The following DGKG variants were observed in gnomAD, a reference collection of about 807,000 sequenced individuals.
The protein encoded by DGKG is diacylglycerol kinase gamma.
Under a neutral mutation model 105.3 loss-of-function variants are expected in DGKG, and 78 were observed. That is an observed-to-expected ratio of 0.74 (90% CI 0.62 to 0.89). The LOEUF (loss-of-function observed/expected upper bound fraction) is 0.89, where lower values mean the gene tolerates loss of function less well. Among genes scored for constraint, DGKG ranks in the 40% least tolerant of loss-of-function variants. The probability of loss-of-function intolerance (pLI) is 0.00; values close to 1 mark genes in which losing one functional copy is unlikely to be tolerated. For missense variants in DGKG, 958 were observed against 1,020.1 expected (o/e 0.94, Z 0.83); for synonymous variants, 346 against 367.1 (o/e 0.94, Z 0.66).
chr3:186,196,886 G>A (rs778214687), intron 21 of DGKG, among the ~76,000 whole-genome samples: 25 of 152,290 alleles, frequency 1.6e-4, no homozygotes, highest in African/African-American at 5.1e-4. Context: ...CAGAGTCACC[G>A]TGTGGTTTGG....
At chr3:186,302,568 A>G (rs1312864154) in intron 3 of DGKG, among the ~76,000 whole-genome samples, 12 of 131,696 alleles carry the variant, frequency 9.1e-5, no homozygotes, top group South Asian at 2.3e-4. Flanking sequence ...ACACATATGT[A>G]TATATATATA....
intron 22 of DGKG, among the ~76,000 whole-genome samples, chr3:186,184,289 A>T (rs1469347035): frequency 6.6e-6 from 1 of 152,100 alleles, no homozygotes; most frequent in East Asian, 1.9e-4. Context: ...ATAAAGGCAA[A>T]ATTTAAACCC....
At chr3:186,263,365 G>A (rs889290201) in intron 14 of DGKG, among the ~76,000 whole-genome samples, 18 of 152,042 alleles carry the variant, frequency 1.2e-4, no homozygotes, top group South Asian at 6.2e-4. Flanking sequence ...TCAGGAGTTC[G>A]AGACCAGCCT....
Position 186,284,732 on chromosome 3 carries a change from C to T in DGKG, c.545-23G>A. The stretch of plus-strand genomic sequence containing the variant: ...TGACTGTAAGAAACACAGAGGTAAG[C>T]CTTGAGGTGTCCTCTAAGAAGCGCG... On this transcript the variant is annotated intron_variant, in intron 6 of 24. Coordinates refer to ENST00000265022, the MANE Select transcript of DGKG (RefSeq NM_001346.3). The surrounding 1 kb of genome is among the most constrained non-coding windows in gnomAD (Gnocchi z 4.0). 12 of 1,611,238 alleles carry T rather than the reference C, an allele frequency of 7.4e-6. No homozygotes were observed. Among genetic ancestry groups the T allele is most frequent in the African/African-American group, 1.3e-5 (1 of 74,936 alleles).
At chr3:186,285,799 C>T (rs1306943870) in intron 6 of DGKG, among the ~76,000 whole-genome samples, 1 of 151,966 alleles carries the variant, frequency 6.6e-6, no homozygotes, top group Non-Finnish European at 1.5e-5. Context: ...TCTGCCTCAC[C>T]CTCCTGAGTC....
chr3:186,353,645 T>C (rs900262166), intron 1 of DGKG, among the ~76,000 whole-genome samples: 25 of 109,142 alleles, frequency 2.3e-4, no homozygotes, highest in African/African-American at 9.7e-4. Context: ...TATATCTATA[T>C]CTATGTCTAT....
chr3:186,274,800 G>A (rs1722500426), intron 10 of DGKG, among the ~76,000 whole-genome samples: 1 of 152,000 alleles, frequency 6.6e-6, no homozygotes, highest in Non-Finnish European at 1.5e-5. Context: ...ATGGACATTT[G>A]GGTTGGTTCT....
At chr3:186,260,367 C>A (rs1721706526) in intron 16 of DGKG, 72 bp downstream of exon 16, 5 of 1,110,536 alleles carry the variant, frequency 4.5e-6, no homozygotes, top group East Asian at 2.4e-5. Context: ...AAAAAGGTGA[C>A]AAAAGAGGCA....
chr3:186,264,098 G>A (rs1477120103), intron 14 of DGKG, among the ~76,000 whole-genome samples: 3 of 152,190 alleles, frequency 2.0e-5, no homozygotes, highest in African/African-American at 7.2e-5. Flanking sequence ...CAGAACAGAT[G>A]CAAGACAACC....
At chr3:186,182,764 C>T (rs753497537) in intron 22 of DGKG, among the ~76,000 whole-genome samples, 22 of 152,080 alleles carry the variant, frequency 1.4e-4, no homozygotes, top group Non-Finnish European at 2.8e-4. Context: ...GAATCTACTG[C>T]CCACTGGCAA....
intron 7 of DGKG, among the ~76,000 whole-genome samples, chr3:186,282,332 A>G (rs1429217746): frequency 6.6e-6 from 1 of 152,232 alleles, no homozygotes; most frequent in Non-Finnish European, 1.5e-5. Flanking sequence ...TGGCTGTCTT[A>G]AGGTAGGAGT....
intron 24 of DGKG, among the ~76,000 whole-genome samples, chr3:186,151,402 C>T (rs985042989): frequency 2.0e-5 from 3 of 152,100 alleles, no homozygotes; most frequent in African/African-American, 7.2e-5. Context: ...TCAATGTCGG[C>T]TAAACCAAGT....
intron 22 of DGKG, among the ~76,000 whole-genome samples, chr3:186,181,940 T>C (rs1041175887): frequency 9.8e-5 from 15 of 152,306 alleles, no homozygotes; most frequent in African/African-American, 3.4e-4. Flanking sequence ...TGAGGAAATA[T>C]GCAGGAAGCC....
intron 21 of DGKG, among the ~76,000 whole-genome samples, chr3:186,209,181 G>GC (rs975340203): frequency 2.0e-4 from 29 of 144,376 alleles, no homozygotes; most frequent in African/African-American, 7.5e-4. Flanking sequence ...GCTCACTGCA[G>GC]CCTCTGCCTC....
intron 2 of DGKG, among the ~76,000 whole-genome samples, chr3:186,309,279 C>T (rs933860471): frequency 1.3e-5 from 2 of 151,856 alleles, no homozygotes; most frequent in East Asian, 1.9e-4. Context: ...TCGGAAGAGA[C>T]CAAGGGAGCA....
intron 22 of DGKG, among the ~76,000 whole-genome samples, chr3:186,168,055 G>A (rs1716638617): frequency 6.6e-6 from 1 of 152,162 alleles, no homozygotes; most frequent in African/African-American, 2.4e-5. Flanking sequence ...TAATTTTTGG[G>A]TTGAAAAGAG....
chr3:186,251,652 G>C (rs555506159), intron 19 of DGKG, 107 bp downstream of exon 19: 5 of 1,302,190 alleles, frequency 3.8e-6, no homozygotes, highest in Non-Finnish European at 5.4e-6. Flanking sequence ...GGCTGGGGGG[G>C]CAGGTAAGAC....
At chr3:186,294,711 G>A (rs1461386564) in intron 5 of DGKG, among the ~76,000 whole-genome samples, 1 of 143,658 alleles carries the variant, frequency 7.0e-6, no homozygotes, top group Non-Finnish European at 1.5e-5. Context: ...GAAGATATAA[G>A]AGTTATCTGT....
At chr3:186,188,939 C>T (rs1197633767) in intron 21 of DGKG, among the ~76,000 whole-genome samples, 5 of 152,104 alleles carry the variant, frequency 3.3e-5, no homozygotes, top group Non-Finnish European at 5.9e-5. Flanking sequence ...CTCAGCCTCC[C>T]GAGTAGCTGG....
Sources: gnomAD v4.1 joint callset for allele counts (sites outside exome capture counted in the v4.1 genomes callset) on GRCh38, gnomAD v4.1.1 for gene constraint, Gnocchi (gnomAD v3.1) non-coding constraint, MANE v1.5 for transcripts, NCBI Gene and HGNC (gene_info 2026-07-23, HGNC 2026-07-21) for gene names.